The following DLG1 variants were observed in gnomAD, a reference collection of about 807,000 sequenced individuals.
The protein encoded by DLG1 is discs large MAGUK scaffold protein 1, also known as disks large homolog 1.
Under a neutral mutation model 123.4 loss-of-function variants are expected in DLG1, and 42 were observed. The observed-to-expected ratio is 0.34, with a 90% confidence interval of 0.27 to 0.44. The LOEUF is 0.44. Ranked by LOEUF, DLG1 falls within the 20% of genes least tolerant of loss-of-function variation. The probability of loss-of-function intolerance (pLI) is 1.00; values close to 1 mark genes in which losing one functional copy is unlikely to be tolerated. For synonymous variants in DLG1, 317 were observed against 356.2 expected, an observed-to-expected ratio of 0.89 and a Z score of 1.24; for missense variants, 942 against 1,082.6, an observed-to-expected ratio of 0.87 and a Z score of 1.82.
intron 10 of DLG1, among the ~76,000 whole-genome samples, chr3:197,132,159 C>CA (rs1271401549): frequency 6.6e-6 from 1 of 151,068 alleles, no homozygotes; most frequent in Non-Finnish European, 1.5e-5. Context: ...ATTTTTTTTT[C>CA]AAAGGACCAA....
At chr3:197,177,556 G>A (rs1438614546) in intron 5 of DLG1, among the ~76,000 whole-genome samples, 7 of 152,054 alleles carry the variant, frequency 4.6e-5, no homozygotes, top group Admixed American at 3.3e-4. Flanking sequence ...AATCAATCTA[G>A]GATGGTCCAA....
intron 12 of DLG1, among the ~76,000 whole-genome samples, chr3:197,117,483 T>G (rs1773939558): frequency 6.6e-6 from 1 of 152,200 alleles, no homozygotes; most frequent in Admixed American, 6.5e-5. Flanking sequence ...TATGTATAAT[T>G]GAACAGTATT....
chr3:197,092,648 C>T (rs1758400323), intron 14 of DLG1, among the ~76,000 whole-genome samples: 1 of 152,026 alleles, frequency 6.6e-6, no homozygotes, highest in African/African-American at 2.4e-5. Flanking sequence ...TCGTGTGCAC[C>T]AACATGCTTG....
chr3:197,173,283 TA>T (rs1805210545), intron 5 of DLG1, among the ~76,000 whole-genome samples: 1 of 152,124 alleles, frequency 6.6e-6, no homozygotes, highest in Non-Finnish European at 1.5e-5. Flanking sequence ...TAGTGGTGGA[TA>T]AAAGGGTAGT....
At chr3:197,297,326 T>G in intron 1 of DLG1, 91 bp from the exon 2 acceptor site, 3 of 1,534,824 alleles carry the variant, frequency 2.0e-6, no homozygotes, top group Non-Finnish European at 2.6e-6. Context: ...GCAGCCTATT[T>G]GAAAACCCCA....
intron 4 of DLG1, among the ~76,000 whole-genome samples, chr3:197,243,770 T>C (rs1442709855): frequency 2.0e-5 from 3 of 152,218 alleles, no homozygotes; most frequent in African/African-American, 7.2e-5. Flanking sequence ...TTTTTATTAA[T>C]TGTTGACCAC....
intron 12 of DLG1, 122 bp downstream of exon 12, chr3:197,119,288 T>C (rs1775003347): frequency 4.3e-6 from 3 of 705,360 alleles, no homozygotes; most frequent in Non-Finnish European, 6.3e-6. Flanking sequence ...AATTAACCTT[T>C]AAGCTCACTA....
chr3:197,159,820 A>C (rs1397141205), intron 5 of DLG1, among the ~76,000 whole-genome samples: 6 of 152,230 alleles, frequency 3.9e-5, no homozygotes, highest in Non-Finnish European at 8.8e-5. Flanking sequence ...GAAGCTATGC[A>C]GAATAAATAG....
At chr3:197,056,277 T>A (rs1185170752) in intron 23 of DLG1, among the ~76,000 whole-genome samples, 5 of 152,218 alleles carry the variant, frequency 3.3e-5, no homozygotes, top group African/African-American at 4.8e-5. Flanking sequence ...TGATTAGTTT[T>A]TAAATGCTGC....
intron 19 of DLG1, among the ~76,000 whole-genome samples, chr3:197,068,121 C>CT (rs1259861967): frequency 6.6e-6 from 1 of 152,214 alleles, no homozygotes; most frequent in African/African-American, 2.4e-5. Flanking sequence ...AGAAGTATTT[C>CT]TTTGTTTTCA....
chr3:197,206,828 T>A lies in DLG1; in HGVS notation c.319-12239A>T, dbSNP rs1370457129. 4.0e-5 allele frequency among the ~76,000 whole-genome samples: 6 copies of A among 151,168 alleles called. No individual in the cohort carries two copies. In the South Asian group the frequency reaches 6.2e-4, roughly 16 times the overall value. On this transcript the variant is annotated intron_variant, in intron 4 of 24. Transcript: ENST00000667157. Reference sequence around the variant, plus strand: ...AAAATCCAAGAGAAATGTAAAAAATTAATAAATAAATAAATAAAAATAAAG... The same window carrying A: ...AAAATCCAAGAGAAATGTAAAAAATAAATAAATAAATAAATAAAAATAAAG...
chr3:197,195,740 A>G (rs1225331632), intron 4 of DLG1, among the ~76,000 whole-genome samples: 1 of 152,072 alleles, frequency 6.6e-6, no homozygotes, highest in Admixed American at 6.5e-5. Flanking sequence ...CTGGGGAGGT[A>G]GAAGGGGGTG....
At chr3:197,285,303 A>G (rs1443428963) in intron 3 of DLG1, among the ~76,000 whole-genome samples, 2 of 152,102 alleles carry the variant, frequency 1.3e-5, no homozygotes, top group African/African-American at 4.8e-5. Context: ...AGAAACCCAC[A>G]AGCCAAGAAA....
intron 9 of DLG1, among the ~76,000 whole-genome samples, chr3:197,137,885 T>G (rs1307458743): frequency 1.3e-5 from 2 of 151,108 alleles, no homozygotes; most frequent in East Asian, 2.0e-4. Context: ...GGTGGGAGGA[T>G]CGCTTGAGCT....
chr3:197,219,598 T>C (rs566272450), intron 4 of DLG1, among the ~76,000 whole-genome samples: 321 of 152,296 alleles, frequency 2.1e-3, no homozygotes, highest in African/African-American at 7.5e-3. Context: ...TCCTAACTTC[T>C]AGTACCTCAG....
chr3:197,081,272 A>G (rs1750975568), intron 16 of DLG1, among the ~76,000 whole-genome samples, 155 bp from the exon 17 acceptor site: 1 of 152,226 alleles, frequency 6.6e-6, no homozygotes, highest in Non-Finnish European at 1.5e-5. Flanking sequence ...GAATTGCTGA[A>G]AAATGAAATA....
chr3:197,117,478 A>G (rs1363483851), intron 12 of DLG1, among the ~76,000 whole-genome samples: 3 of 152,244 alleles, frequency 2.0e-5, no homozygotes, highest in African/African-American at 7.2e-5. Context: ...GCATATATGT[A>G]TAATTGAACA....
intron 14 of DLG1, among the ~76,000 whole-genome samples, chr3:197,100,762 C>A (rs1371012125): frequency 6.6e-6 from 1 of 152,124 alleles, no homozygotes; most frequent in East Asian, 1.9e-4. Flanking sequence ...GGAAAAAAGC[C>A]TTCTCGGAGT....
At chr3:197,128,918 G>A (rs1781137992) in intron 11 of DLG1, among the ~76,000 whole-genome samples, 1 of 152,068 alleles carries the variant, frequency 6.6e-6, no homozygotes, top group African/African-American at 2.4e-5. Context: ...CAACAGATAT[G>A]CTGTCATTCA....
Sources: gnomAD v4.1 joint callset for allele counts (sites outside exome capture counted in the v4.1 genomes callset) on GRCh38, gnomAD v4.1.1 for gene constraint, MANE v1.5 for transcripts, NCBI Gene and HGNC (gene_info 2026-07-23, HGNC 2026-07-21) for gene names.